Variants in KCNN2 observed in about 807,000 individuals in gnomAD.
KCNN2 encodes the protein small conductance calcium-activated potassium channel protein 2.
Under a neutral mutation model 55.5 loss-of-function variants are expected in KCNN2, and 24 were observed. That is an observed-to-expected ratio of 0.43 (90% CI 0.31 to 0.61). The LOEUF (loss-of-function observed/expected upper bound fraction) is 0.61, where lower values mean the gene tolerates loss of function less well. KCNN2 is among the 20% of genes least tolerant of loss of function. KCNN2 has a pLI of 0.08. For missense variants in KCNN2, 754 were observed against 853.6 expected (o/e 0.88, Z 1.45); for synonymous variants, 431 against 336.1 (o/e 1.28, Z -3.09).
chr5:114,455,789 G>A (rs1322033794), intron 3 of KCNN2, among the ~76,000 whole-genome samples: 3 of 152,226 alleles, frequency 2.0e-5, no homozygotes, highest in Non-Finnish European at 2.9e-5. Flanking sequence ...GAAAGTTTGA[G>A]TAGTCTGGAT....
intron 2 of KCNN2, among the ~76,000 whole-genome samples, chr5:114,394,375 G>C (rs921276098): frequency 6.6e-6 from 1 of 152,056 alleles, no homozygotes; most frequent in African/African-American, 2.4e-5. Context: ...TTATGTATTA[G>C]GGAGGTTAGT....
At chr5:114,224,052 A>G (rs1754195240) in intron 2 of KCNN2, among the ~76,000 whole-genome samples, 1 of 152,222 alleles carries the variant, frequency 6.6e-6, no homozygotes, top group South Asian at 2.1e-4. Context: ...GAAACAGCCT[A>G]GAGGGAAAGT....
chr5:114,158,040 G>C (rs1752677499), intron 1 of KCNN2, among the ~76,000 whole-genome samples: 1 of 152,082 alleles, frequency 6.6e-6, no homozygotes, highest in Non-Finnish European at 1.5e-5. Flanking sequence ...GGCTTTCGTT[G>C]CCTTTGCTTT....
intron 2 of KCNN2, among the ~76,000 whole-genome samples, chr5:114,383,345 A>G (rs1189553789): frequency 6.6e-6 from 1 of 152,132 alleles, no homozygotes. Flanking sequence ...TAACAAGAGG[A>G]AAGTGATATT....
chr5:114,281,581 G>T (rs547694349), intron 2 of KCNN2, among the ~76,000 whole-genome samples: 1 of 144,360 alleles, frequency 6.9e-6, no homozygotes, highest in African/African-American at 2.6e-5. Context: ...TTTCTCTCTT[G>T]TCAATCTCTG....
intron 2 of KCNN2, among the ~76,000 whole-genome samples, chr5:114,296,672 A>T (rs1398363022): frequency 6.6e-6 from 1 of 152,216 alleles, no homozygotes; most frequent in Non-Finnish European, 1.5e-5. Flanking sequence ...TGCAGAATGG[A>T]TGGAACTATT....
intron 1 of KCNN2, among the ~76,000 whole-genome samples, chr5:114,133,526 A>G: frequency 6.6e-6 from 1 of 152,090 alleles, no homozygotes; most frequent in Non-Finnish European, 1.5e-5. Context: ...TACCACGGAG[A>G]CAGGGAAATG....
Position 114,255,692 on chromosome 5 carries a change from G to A in KCNN2, c.-185+34127G>A, listed in dbSNP as rs181603993. ...AGGAGAAGAGTTGTAGAAGGGTGAG[G>A]TTGGAGGCAGTTTGGAGTAATTTTC... On this transcript the variant is annotated intron_variant, in intron 2 of 10. Transcript: ENST00000512097. 1.1e-4 allele frequency among the ~76,000 whole-genome samples: 16 copies of A among 152,202 alleles called. 1 individual carries two copies. Among genetic ancestry groups the A allele is most frequent in the East Asian group, 7.7e-4 (4 of 5,176 alleles).
At chr5:114,127,767 T>C (rs1751969633) in intron 1 of KCNN2, among the ~76,000 whole-genome samples, 1 of 152,224 alleles carries the variant, frequency 6.6e-6, no homozygotes, top group Non-Finnish European at 1.5e-5. Context: ...TTTTATGCTC[T>C]GCTTTCTCTT....
chr5:114,465,424 C>G (rs749554467), intron 4 of KCNN2, among the ~76,000 whole-genome samples: 3 of 152,160 alleles, frequency 2.0e-5, no homozygotes, highest in African/African-American at 7.2e-5. Context: ...ACCAACCTGA[C>G]CAACATGGAG....
chr5:114,396,217 TTGTTGTTGC>T (rs1232144143), intron 2 of KCNN2, among the ~76,000 whole-genome samples: 3 of 152,188 alleles, frequency 2.0e-5, no homozygotes, highest in African/African-American at 7.2e-5. Flanking sequence ...ATTTCTACTT[TTGTTGTTGC>T]TGTTGTTGTT....
At chr5:114,118,942 A>C (rs983040888) in intron 1 of KCNN2, among the ~76,000 whole-genome samples, 1 of 152,140 alleles carries the variant, frequency 6.6e-6, no homozygotes, top group Non-Finnish European at 1.5e-5. Context: ...GGAGACTGAC[A>C]GACCTGGGCC....
intron 1 of KCNN2, among the ~76,000 whole-genome samples, chr5:114,136,252 T>G (rs1253991352): frequency 6.6e-6 from 1 of 151,534 alleles, no homozygotes; most frequent in Non-Finnish European, 1.5e-5. Flanking sequence ...ATCATGGGAG[T>G]GGGGTTGCTA....
chr5:114,250,650 G>A (rs1056757754), intron 2 of KCNN2, among the ~76,000 whole-genome samples: 2 of 152,184 alleles, frequency 1.3e-5, no homozygotes, highest in African/African-American at 2.4e-5. Flanking sequence ...GGTCCTATAA[G>A]TGATGTAATG....
At chr5:114,407,797 T>C (rs990728269) in intron 3 of KCNN2, among the ~76,000 whole-genome samples, 1 of 152,216 alleles carries the variant, frequency 6.6e-6, no homozygotes, top group Middle Eastern at 3.2e-3. Context: ...ACAGTTACTA[T>C]GCAAGCATTT....
At chr5:114,264,662 CAA>C (rs1755173646) in intron 2 of KCNN2, among the ~76,000 whole-genome samples, 1 of 152,152 alleles carries the variant, frequency 6.6e-6, no homozygotes, top group Non-Finnish European at 1.5e-5. Flanking sequence ...TTGCCAACTG[CAA>C]AGAGTTGGCA....
intron 1 of KCNN2, among the ~76,000 whole-genome samples, chr5:114,150,439 T>C (rs1466115119): frequency 1.3e-5 from 2 of 152,014 alleles, no homozygotes; most frequent in Admixed American, 1.3e-4. Flanking sequence ...GTAGAGAAAG[T>C]AAAAATGTTT....
chr5:114,248,324 C>T (rs910289014), intron 2 of KCNN2, among the ~76,000 whole-genome samples: 3 of 151,978 alleles, frequency 2.0e-5, no homozygotes, highest in African/African-American at 7.3e-5. Context: ...TTTAATTTGC[C>T]TCAATTAGAA....
chr5:114,211,197 A>G (rs1362650665), intron 1 of KCNN2, among the ~76,000 whole-genome samples: 2 of 152,146 alleles, frequency 1.3e-5, no homozygotes, highest in Admixed American at 1.3e-4. Context: ...TGATCCAGCA[A>G]TCCCGTTACT....
Sources: allele counts gnomAD v4.1 joint callset (sites outside exome capture counted in the v4.1 genomes callset), GRCh38; gene constraint gnomAD v4.1.1; transcripts MANE v1.5; gene names NCBI Gene and HGNC (gene_info 2026-07-23, HGNC 2026-07-21).